TAF11L2: variants seen among roughly 807,000 people sequenced by gnomAD.
The protein encoded by TAF11L2 is TATA-box binding protein associated factor 11 like protein 2.
rs1006918857 is a variant in TAF11L2 at position 17,498,369 on chromosome 5, A to G, written c.139A>G (p.Arg47Gly). ...ACCCAGGGATCAGGAAGGTGAGCTC[A>G]GGAGTGAGGATGTCATGGACCTCAC... The change falls in exon 1 of 1, where the codon AGG (arginine) becomes GGG (glycine). Residue 47 changes from arginine (R) to glycine (G), a missense_variant. Transcript: ENST00000639081. The G allele has an allele frequency of 2.0e-5, 8 of 398,508 alleles. No homozygotes were observed. The Admixed American group carries it at 3.5e-4, about 18-fold the overall frequency. The allele number at this position is 398,508 out of a possible 1,614,324, so 24.7% of individuals were successfully genotyped here. A position where few individuals can be genotyped will look rare whatever the true frequency, so the allele number is the denominator to read the frequency against.
At chr5:17,498,432 G>A (rs1738261157) in exon 1 of TAF11L2, 1 of 399,000 alleles carries the variant, frequency 2.5e-6, no homozygotes, top group Admixed American at 4.4e-5. Context: ...AGCTCCTCCT[G>A]CAGCCAAAAG....
chr5:17,498,464 A>C (rs201114355), exon 1 of TAF11L2: 47 of 399,144 alleles, frequency 1.2e-4, no homozygotes, highest in Non-Finnish European at 2.1e-4. Flanking sequence ...ATACCAAAGG[A>C]AAGAAGGAGA....
exon 1 of TAF11L2, chr5:17,498,256 T>C (rs111996546): frequency 2.5e-6 from 1 of 398,216 alleles, no homozygotes; most frequent in Non-Finnish European, 4.4e-6. Context: ...CAAACAGGTG[T>C]GTCTGCTGAG....
rs575900926 is a variant in TAF11L2 at position 17,498,329 on chromosome 5, T to C, written c.99T>C (p.Asp33=). 1,912 of 398,106 alleles carry C rather than the reference T, an allele frequency of 4.8e-3. 19 individuals are homozygous for C. The highest frequency in any genetic ancestry group is 0.026 in the East Asian group (741 of 28,058). 24.7% of individuals were successfully genotyped at this position (398,106 alleles called of 1,614,324 possible). Reference sequence around the variant, plus strand: ...AGGATGGAATCCCTGAGGACCTAGATGGGAACTTGGAAGAACCCAGGGATC... The same window carrying C: ...AGGATGGAATCCCTGAGGACCTAGACGGGAACTTGGAAGAACCCAGGGATC... Residue 33 remains aspartate (D), a synonymous_variant, in exon 1 of 1, where the codon GAT becomes GAC. Transcript: ENST00000639081.
At position 17,498,390 on chromosome 5, in the gene TAF11L2, C is replaced by T. The variant is rs1031643018; in HGVS notation, c.160C>T (p.Leu54Phe). Residue 54 changes from leucine to phenylalanine, a missense_variant, in exon 1 of 1, where the codon CTC becomes TTC. Physicochemically the swap from Leu to Phe is conservative, Grantham distance 22. Coordinates refer to ENST00000639081, the Ensembl canonical transcript of TAF11L2. ...GCTCAGGAGTGAGGATGTCATGGACCTCACAGAAGGTGACAATGAGGCCTC... is the reference window on the plus strand; with the variant it reads ...GCTCAGGAGTGAGGATGTCATGGACTTCACAGAAGGTGACAATGAGGCCTC... 58 of 398,664 alleles carry T rather than the reference C, an allele frequency of 1.5e-4. 2 individuals are homozygous for T. Among genetic ancestry groups the T allele is most frequent in the African/African-American group, 1.1e-3 (53 of 48,328 alleles). The allele number at this position is 398,664 out of a possible 1,614,324, so 24.7% of individuals were successfully genotyped here. A position where few individuals can be genotyped will look rare whatever the true frequency, so the allele number is the denominator to read the frequency against.
At chr5:17,498,339 G>A in exon 1 of TAF11L2, 1 of 398,590 alleles carries the variant, frequency 2.5e-6, no homozygotes, top group African/African-American at 2.1e-5. Context: ...TGGGAACTTG[G>A]AAGAACCCAG....
chr5:17,498,282 C>T, the TAF11L2 span: 11 of 398,402 alleles, frequency 2.8e-5, no homozygotes, highest in South Asian at 1.3e-4. Context: ...CGCCATGCCC[C>T]GAGATCTGAA....
At chr5:17,498,311 A>G in exon 1 of TAF11L2, 1 of 398,610 alleles carries the variant, frequency 2.5e-6, no homozygotes, top group South Asian at 1.3e-4. Flanking sequence ...AGAAGGATGG[A>G]ATCCCTGAGG....
chr5:17,498,610 G>C (rs201176201), exon 1 of TAF11L2: 2 of 398,742 alleles, frequency 5.0e-6, no homozygotes, highest in Non-Finnish European at 8.8e-6. Context: ...GGTCTGATGC[G>C]GTCTATCACT....
At chr5:17,498,458 C>T in exon 1 of TAF11L2, 1 of 399,106 alleles carries the variant, frequency 2.5e-6, no homozygotes, top group Non-Finnish European at 4.4e-6. Context: ...AAACAGATAC[C>T]AAAGGAAAGA....
chr5:17,498,610 G>A (rs201176201), exon 1 of TAF11L2: 7 of 398,614 alleles, frequency 1.8e-5, no homozygotes, highest in East Asian at 7.1e-5. Context: ...GGTCTGATGC[G>A]GTCTATCACT....
chr5:17,498,504 C>G, exon 1 of TAF11L2: 4 of 398,880 alleles, frequency 1.0e-5, no homozygotes, highest in Non-Finnish European at 4.4e-6. Context: ...AGAGGAGGCT[C>G]AGAGGATGAC....
the TAF11L2 span, chr5:17,498,318 G>T: frequency 5.0e-6 from 2 of 398,546 alleles, no homozygotes; most frequent in Admixed American, 8.8e-5. Context: ...TGGAATCCCT[G>T]AGGACCTAGA....
chr5:17,498,741 C>T, the TAF11L2 span: 8 of 398,538 alleles, frequency 2.0e-5, 1 homozygote, highest in African/African-American at 1.7e-4. Flanking sequence ...GCCCCCACTG[C>T]AGCCCAAGCA....
Position 17,498,646 on chromosome 5 carries a change from C to T in TAF11L2, c.416C>T (p.Ala139Val), listed in dbSNP as rs1340130323. 10 of 398,528 alleles carry T rather than the reference C, an allele frequency of 2.5e-5. 1 individual carries two copies. The highest frequency in any genetic ancestry group is 1.3e-4 in the South Asian group (1 of 7,852). 24.7% of individuals were successfully genotyped at this position (398,528 alleles called of 1,614,324 possible). The change falls in exon 1 of 1, where the codon GCG becomes GTG. Residue 139 changes from alanine (A) to valine (V), a missense_variant. Coordinates refer to ENST00000639081, the Ensembl canonical transcript of TAF11L2. ...GGCAGATCGGTGTCTGAGAACGTGG[C>T]GATTGCCATGGCTGGAATAGCCAAG... is the stretch of plus-strand genomic sequence containing the variant.
chr5:17,498,764 T>C (rs200291918), exon 1 of TAF11L2: 41 of 398,584 alleles, frequency 1.0e-4, no homozygotes, highest in Middle Eastern at 6.3e-4. Flanking sequence ...TAAGGGAGGC[T>C]GTTCGCAGGT....
exon 1 of TAF11L2, chr5:17,498,360 G>T (rs201888519): frequency 5.0e-6 from 2 of 398,486 alleles, no homozygotes; most frequent in African/African-American, 4.2e-5. Context: ...GGATCAGGAA[G>T]GTGAGCTCAG....
chr5:17,498,296 C>T (rs561385827), exon 1 of TAF11L2: 119 of 398,330 alleles, frequency 3.0e-4, no homozygotes, highest in African/African-American at 2.4e-3. Context: ...ATCTGAAGGG[C>T]AGCAAGAAGG....
In TAF11L2 at chr5:17,498,642, G is replaced by A. The variant is rs1159144049; in HGVS notation, c.412G>A (p.Val138Met). The A allele has an allele frequency of 5.8e-5, 23 of 398,790 alleles. 1 individual carries two copies. In the East Asian group the frequency reaches 7.5e-4, roughly 13 times the overall value. 24.7% of individuals were successfully genotyped at this position (398,790 alleles called of 1,614,324 possible). A position where few individuals can be genotyped will look rare whatever the true frequency, so the allele number is the denominator to read the frequency against. ...CACTGGCAGATCGGTGTCTGAGAACGTGGCGATTGCCATGGCTGGAATAGC... is the reference window on the plus strand; with the variant it reads ...CACTGGCAGATCGGTGTCTGAGAACATGGCGATTGCCATGGCTGGAATAGC... The change falls in exon 1 of 1, where the codon GTG becomes ATG. Residue 138 changes from valine to methionine, a missense_variant. Val to Met is a conservative substitution (Grantham distance 21, BLOSUM62 1). Coordinates refer to ENST00000639081, the Ensembl canonical transcript of TAF11L2.
Sources: gnomAD v4.1 joint callset for allele counts on GRCh38, gnomAD v4.1.1 for gene constraint, MANE v1.5 for transcripts, NCBI Gene and HGNC (gene_info 2026-07-23, HGNC 2026-07-21) for gene names.